The following FOXK1 variants were observed in gnomAD, a reference collection of about 807,000 sequenced individuals.
The protein encoded by FOXK1 is forkhead box protein K1.
In FOXK1, 19 loss-of-function variants were observed where a neutral mutation model predicts 51.9. The observed-to-expected ratio is 0.37, with a 90% CI of 0.26 to 0.54. The LOEUF (loss-of-function observed/expected upper bound fraction) is 0.54. Ranked by LOEUF, FOXK1 falls within the 20% of genes least tolerant of loss-of-function variation. FOXK1 has a pLI of 0.87. For missense variants in FOXK1, 870 were observed against 1,032.7 expected, an observed-to-expected ratio of 0.84 and a Z score of 2.16; for synonymous variants, 537 against 482.6, an observed-to-expected ratio of 1.11 and a Z score of -1.48.
At chr7:4,724,397 T>A (rs1177621776) in intron 1 of FOXK1, among the ~76,000 whole-genome samples, 1 of 152,182 alleles carries the variant, frequency 6.6e-6, no homozygotes, top group African/African-American at 2.4e-5. Flanking sequence ...GATTTCACCA[T>A]GTTGGCCAGG....
intron 1 of FOXK1, among the ~76,000 whole-genome samples, chr7:4,696,672 C>T (rs1442041081): frequency 6.6e-6 from 1 of 152,214 alleles, no homozygotes; most frequent in Non-Finnish European, 1.5e-5. Flanking sequence ...GACACACTTC[C>T]AGGTGTCATC....
At chr7:4,736,942 T>C (rs1320349835) in intron 1 of FOXK1, among the ~76,000 whole-genome samples, 1 of 152,190 alleles carries the variant, frequency 6.6e-6, no homozygotes, top group African/African-American at 2.4e-5. Flanking sequence ...TGGGAAGGCC[T>C]TTCCACCCCA....
chr7:4,749,558 C>G lies in FOXK1; in HGVS notation c.747-4901C>G, dbSNP rs1347658499. Among the ~76,000 whole-genome samples, 1 of 152,196 alleles carries G rather than the reference C, an allele frequency of 6.6e-6. No individual in the cohort carries two copies. The highest frequency in any genetic ancestry group is 1.5e-5 in the Non-Finnish European group (1 of 68,034). On this transcript the variant is annotated intron_variant, in intron 2 of 8. Coordinates refer to ENST00000328914, the MANE Select transcript of FOXK1 (RefSeq NM_001037165.2). The surrounding 1 kb of genome is among the most constrained non-coding windows in gnomAD (Gnocchi z 6.0). ...CCCTCCACTGCCCACAAGGCTCCGT[C>G]GCAGCTCCTTCCTCCAGCCCCTCCA...
At position 4,761,868 on chromosome 7, in the gene FOXK1, C is replaced by T. The variant is rs529037785; in HGVS notation, c.1922-316C>T. ...GGGTGCAGGGTACCAGGGCACCGGG[C>T]GCATTGTCAGTGGGGTGGCTCAGGG... On this transcript the variant is annotated intron_variant, in intron 8 of 8. Coordinates refer to ENST00000328914, the MANE Select transcript of FOXK1 (RefSeq NM_001037165.2). The surrounding 1 kb of genome is among the most constrained non-coding windows in gnomAD (Gnocchi z 6.2). Among the ~76,000 whole-genome samples, 542 of 151,912 alleles carry T rather than the reference C, an allele frequency of 3.6e-3. 15 individuals carry two copies. Among genetic ancestry groups the T allele is most frequent in the Middle Eastern group, 3.4e-3 (1 of 294 alleles).
intron 2 of FOXK1, among the ~76,000 whole-genome samples, chr7:4,752,748 G>A (rs994917884): frequency 6.6e-6 from 1 of 152,222 alleles, no homozygotes; most frequent in Non-Finnish European, 1.5e-5. Context: ...GGGACGTCCA[G>A]TGGCTTTGGG....
chr7:4,705,030 C>T (rs1229263712), intron 1 of FOXK1, among the ~76,000 whole-genome samples: 1 of 151,674 alleles, frequency 6.6e-6, no homozygotes, highest in Non-Finnish European at 1.5e-5. Flanking sequence ...CAGGGTTTCA[C>T]CCTGTTGGCC....
In FOXK1 at chr7:4,748,242, G is replaced by A. The variant is rs1482638082; in HGVS notation, c.747-6217G>A. Among the ~76,000 whole-genome samples the A allele has an allele frequency of 6.6e-6, 1 of 152,118 alleles. No individual in the cohort carries two copies. Among genetic ancestry groups the A allele is most frequent in the Non-Finnish European group, 1.5e-5 (1 of 68,034 alleles). ...CTGAGCCCTTCTCTCTCACTTCTGTGTCTCTGAGTCGTATTCGTACGTGAC... is the reference window on the plus strand; with the variant it reads ...CTGAGCCCTTCTCTCTCACTTCTGTATCTCTGAGTCGTATTCGTACGTGAC... On this transcript the variant is annotated intron_variant, in intron 2 of 8. Coordinates refer to ENST00000328914, the MANE Select transcript of FOXK1 (RefSeq NM_001037165.2). This position sits in a 1 kb window ranked among gnomAD's most constrained non-coding sequence, Gnocchi z 4.9.
chr7:4,732,006 C>T lies in FOXK1; in HGVS notation c.561-8832C>T, dbSNP rs184668161. On this transcript the variant is annotated intron_variant, in intron 1 of 8. Transcript: ENST00000328914. ...ATTCAGTGACTTGCCCAGGTGCCCCCAGGGCATCTGAGCAGCCCAGGCTCC... is the reference window on the plus strand; with the variant it reads ...ATTCAGTGACTTGCCCAGGTGCCCCTAGGGCATCTGAGCAGCCCAGGCTCC... Among the ~76,000 whole-genome samples, 615 of 152,332 alleles carry T rather than the reference C, an allele frequency of 4.0e-3. 5 individuals carry two copies. Among genetic ancestry groups the T allele is most frequent in the African/African-American group, 0.014 (590 of 41,574 alleles).
intron 1 of FOXK1, among the ~76,000 whole-genome samples, chr7:4,700,809 C>T (rs949147035): frequency 6.6e-6 from 1 of 152,072 alleles, no homozygotes; most frequent in South Asian, 2.1e-4. Flanking sequence ...AGAGCAAGAC[C>T]CTGTCTCAAA....
rs1290711365 is a variant in FOXK1 at position 4,715,253 on chromosome 7, G to A, written c.561-25585G>A. Among the ~76,000 whole-genome samples the A allele has an allele frequency of 1.5e-5, 2 of 130,702 alleles. No individual in the cohort carries two copies. The highest frequency in any genetic ancestry group is 2.2e-4 in the South Asian group (1 of 4,538). 85.7% of individuals were successfully genotyped at this position (130,702 alleles called of 152,430 possible). A position where few individuals can be genotyped will look rare whatever the true frequency, so the allele number is the denominator to read the frequency against. ...ATCGGGCATGGCGAAATTGTGATAC[G>A]GTGCATGGTGTTTTGTTTCAAGGAG... On this transcript the variant is annotated intron_variant, in intron 1 of 8. Transcript: ENST00000328914. This position sits in a 1 kb window ranked among gnomAD's most constrained non-coding sequence, Gnocchi z 4.5.
At chr7:4,716,347 T>G (rs1185900668) in intron 1 of FOXK1, among the ~76,000 whole-genome samples, 2 of 151,910 alleles carry the variant, frequency 1.3e-5, no homozygotes, top group East Asian at 3.9e-4. Context: ...AAAAAAAAAT[T>G]TTGTTGTGGT....
At chr7:4,706,583 G>A (rs1257783563) in intron 1 of FOXK1, among the ~76,000 whole-genome samples, 1 of 152,186 alleles carries the variant, frequency 6.6e-6, no homozygotes, top group Non-Finnish European at 1.5e-5. Flanking sequence ...CTCAATGTGG[G>A]CAGAATCCTG....
At chr7:4,737,571 T>TGTGC (rs1780571202) in intron 1 of FOXK1, among the ~76,000 whole-genome samples, 1 of 151,920 alleles carries the variant, frequency 6.6e-6, no homozygotes, top group Non-Finnish European at 1.5e-5. Context: ...TGTGTGTGTG[T>TGTGC]GTGCATGCAT....
rs1781008175 is a variant in FOXK1, at chr7:4,766,213, AC to A, written c.*3751del. The A allele has an allele frequency of 6.6e-6, 1 of 151,438 alleles. No individual in the cohort carries two copies. Among genetic ancestry groups the A allele is most frequent in the South Asian group, 2.1e-4 (1 of 4,794 alleles). The allele number at this position is 151,438 out of a possible 1,614,324, so 9.4% of individuals were successfully genotyped here. The stretch of plus-strand genomic sequence containing the variant: ...CTAAAAACCTCAACGTTAATCCCTC[AC>A]CAGTCGGGCCGAGTGTGGCCTCATG... On this transcript the variant is annotated 3_prime_UTR_variant, in exon 9 of 9. Coordinates refer to ENST00000328914, the MANE Select transcript of FOXK1 (RefSeq NM_001037165.2). This position sits in a 1 kb window ranked among gnomAD's most constrained non-coding sequence, Gnocchi z 5.5.
In FOXK1 at chr7:4,743,859, G is replaced by T. The variant is rs1458774606; in HGVS notation, c.746+2836G>T. On this transcript the variant is annotated intron_variant, in intron 2 of 8. Coordinates refer to ENST00000328914, the MANE Select transcript of FOXK1 (RefSeq NM_001037165.2). The surrounding 1 kb of genome is among the most constrained non-coding windows in gnomAD (Gnocchi z 5.3). The stretch of plus-strand genomic sequence containing the variant: ...GGAGTGGGTTATTAATCAGCAGGTT[G>T]TAATCCAGCTAAACAGAAGCTTTTT... Among the ~76,000 whole-genome samples the T allele has an allele frequency of 1.3e-5, 2 of 151,828 alleles. No individual in the cohort carries two copies. The highest frequency in any genetic ancestry group is 2.9e-5 in the Non-Finnish European group (2 of 67,992).
chr7:4,688,706 C>T (rs1052596618), intron 1 of FOXK1, among the ~76,000 whole-genome samples: 2 of 152,130 alleles, frequency 1.3e-5, no homozygotes, highest in African/African-American at 4.8e-5. Flanking sequence ...CATGGAGTCA[C>T]TTGTCCTGTG....
rs1781088649 is a variant in FOXK1, at chr7:4,770,862, TCGG to T, written c.*8399_*8401del. ...ATAATTTGGGAGGGGCGGGTGTTGTTCGGTGTGTGTGTGTGTGTGTGTGTGTGT... is the reference window on the plus strand; with the variant it reads ...ATAATTTGGGAGGGGCGGGTGTTGTTTGTGTGTGTGTGTGTGTGTGTGTGT... On this transcript the variant is annotated 3_prime_UTR_variant, in exon 9 of 9. Coordinates refer to ENST00000328914, the MANE Select transcript of FOXK1 (RefSeq NM_001037165.2). 1 of 126,944 alleles carries T rather than the reference TCGG, an allele frequency of 7.9e-6. No homozygotes were observed. The allele number at this position is 126,944 out of a possible 1,614,324, so 7.9% of individuals were successfully genotyped here.
chr7:4,725,916 A>G (rs76822918), intron 1 of FOXK1, among the ~76,000 whole-genome samples: 1 of 152,060 alleles, frequency 6.6e-6, no homozygotes, highest in Non-Finnish European at 1.5e-5. Flanking sequence ...GATTCCCCAT[A>G]TTAGGAAGGT....
rs1424254347 is a variant in FOXK1, at chr7:4,758,951, G to A, written c.1245-100G>A. 7.8e-7 allele frequency: 1 copy of A among 1,289,446 alleles called. No homozygotes were observed. Among genetic ancestry groups the A allele is most frequent in the Non-Finnish European group, 1.1e-6 (1 of 945,344 alleles). 79.9% of individuals were successfully genotyped at this position (1,289,446 alleles called of 1,614,324 possible). On this transcript the variant is annotated intron_variant, in intron 5 of 8. Coordinates refer to ENST00000328914, the MANE Select transcript of FOXK1 (RefSeq NM_001037165.2). The surrounding 1 kb of genome is among the most constrained non-coding windows in gnomAD (Gnocchi z 4.4). ...GGAGGACAGAGACGAGCTCCAGGGA[G>A]CGTGGGCGGGTGACGGCGCTGAGAT... is the stretch of plus-strand genomic sequence containing the variant.
Sources: gnomAD v4.1 joint callset for allele counts (sites outside exome capture counted in the v4.1 genomes callset) on GRCh38, gnomAD v4.1.1 for gene constraint, Gnocchi (gnomAD v3.1) non-coding constraint, MANE v1.5 for transcripts, NCBI Gene and HGNC (gene_info 2026-07-23, HGNC 2026-07-21) for gene names.